ANAPC1: variants seen among roughly 807,000 people sequenced by gnomAD.
ANAPC1 encodes anaphase-promoting complex subunit 1.
In ANAPC1, 36 loss-of-function variants were observed where a neutral mutation model predicts 208.0. The ratio of observed to expected loss-of-function variants is 0.17; its 90% CI spans 0.13 to 0.23. ANAPC1 has a LOEUF of 0.23. Ranked by LOEUF, ANAPC1 falls within the 10% of genes least tolerant of loss-of-function variation. The probability of loss-of-function intolerance (pLI) is 1.00; values close to 1 mark genes in which losing one functional copy is unlikely to be tolerated. For synonymous variants in ANAPC1, 378 were observed against 695.2 expected (o/e 0.54, Z 7.18); for missense variants, 942 against 2,011.6 (o/e 0.47, Z 10.17).
Position 111,868,331 on chromosome 2 carries a change from T to C in ANAPC1, c.612-235A>G, listed in dbSNP as rs186021050. On this transcript the variant is annotated intron_variant, in intron 6 of 47. Coordinates refer to ENST00000341068, the MANE Select transcript of ANAPC1 (RefSeq NM_022662.4). ...ATGCACGAACAGAGGGAAATCAATA[T>C]AGCCAGGGAATTTCTGCAAACAGCA... Among the ~76,000 whole-genome samples, 213 of 152,332 alleles carry C rather than the reference T, an allele frequency of 1.4e-3. 1 individual carries two copies. The highest frequency in any genetic ancestry group is 1.8e-3 in the Non-Finnish European group (122 of 68,034).
At chr2:111,865,041 A>G (rs1014512148) in intron 7 of ANAPC1, 90 bp from the exon 8 acceptor site, 8 of 1,447,908 alleles carry the variant, frequency 5.5e-6, no homozygotes, top group Non-Finnish European at 7.3e-6. Context: ...TGTTAAAGAT[A>G]AAGAACAACC....
intron 3 of ANAPC1, among the ~76,000 whole-genome samples, chr2:111,874,432 A>G (rs1259612642): frequency 2.6e-5 from 4 of 151,866 alleles, no homozygotes; most frequent in African/African-American, 9.7e-5. Flanking sequence ...AATACTCCCC[A>G]TTTCCCAATG....
chr2:111,782,417 CAA>C lies in ANAPC1; in HGVS notation c.5152_5153del (p.Leu1718ValfsTer7). The C allele has an allele frequency of 6.2e-7, 1 of 1,613,224 alleles. No homozygotes were observed. The highest frequency in any genetic ancestry group is 8.5e-7 in the Non-Finnish European group (1 of 1,179,510). ...YKEDPMGWQS[L>X]LAQTVANRNS... Reference sequence around the variant, plus strand: ...TCCTGTTAGCAACAGTCTGAGCCAACAAACTTTGCCATCCCATTGGATCTTCT... The same window carrying C: ...TCCTGTTAGCAACAGTCTGAGCCAACACTTTGCCATCCCATTGGATCTTCT... On this transcript the variant is annotated frameshift_variant, in exon 43 of 48. Transcript: ENST00000341068. LOFTEE classifies it high-confidence loss of function.
At chr2:111,869,162 G>A (rs542707080) in intron 6 of ANAPC1, among the ~76,000 whole-genome samples, 2 of 152,266 alleles carry the variant, frequency 1.3e-5, no homozygotes, top group East Asian at 1.9e-4. Flanking sequence ...CCTGTAACGC[G>A]TAAGGAAACT....
At chr2:111,837,000 G>A (rs1384604831) in intron 18 of ANAPC1, among the ~76,000 whole-genome samples, 4 of 147,996 alleles carry the variant, frequency 2.7e-5, no homozygotes, top group African/African-American at 7.4e-5. Flanking sequence ...TATCCACAAA[G>A]ACTTGCCAGT....
At position 111,859,446 on chromosome 2, in the gene ANAPC1, G is replaced by A. The variant is rs538098792; in HGVS notation, c.1263-1045C>T. Among the ~76,000 whole-genome samples, 8 of 151,682 alleles carry A rather than the reference G, an allele frequency of 5.3e-5. 1 individual carries two copies. The highest frequency in any genetic ancestry group is 3.4e-3 in the Middle Eastern group (1 of 292). On this transcript the variant is annotated intron_variant, in intron 10 of 47. Coordinates refer to ENST00000341068, the MANE Select transcript of ANAPC1 (RefSeq NM_022662.4). ...AGATCACGCCATTGCACTCCAGCCC[G>A]GGCAACAAGAGCGAAACTCTATCTC...
chr2:111,833,228 A>G lies in ANAPC1; in HGVS notation c.2468T>C (p.Ile823Thr), dbSNP rs1680257763. The G allele has an allele frequency of 6.3e-7, 1 of 1,593,556 alleles. No individual in the cohort carries two copies. Among genetic ancestry groups the G allele is most frequent in the Admixed American group, 1.7e-5 (1 of 59,520 alleles). ...LVRTTGQVCT[I>T]DPGQTGFMHH... ...AAAGCACGACTACTTACCTGGATCA[A>G]TTGTGCACACTTGTCCAGTAGTTCT... is the stretch of plus-strand genomic sequence containing the variant. Residue 823 changes from isoleucine (I) to threonine (T), a missense_variant, in exon 20 of 48, where the codon ATT becomes ACT. Ile to Thr is a moderately conservative substitution (Grantham distance 89). Transcript: ENST00000341068.
intron 1 of ANAPC1, among the ~76,000 whole-genome samples, chr2:111,882,663 G>A (rs1188091087): frequency 6.6e-6 from 1 of 151,494 alleles, no homozygotes; most frequent in Non-Finnish European, 1.5e-5. Flanking sequence ...CTTCAACCTG[G>A]GAGGCAGAGG....
chr2:111,793,010 A>G (rs1359204884), intron 37 of ANAPC1, among the ~76,000 whole-genome samples: 4 of 152,264 alleles, frequency 2.6e-5, no homozygotes, highest in Non-Finnish European at 4.4e-5. Flanking sequence ...ATATAAGTTC[A>G]ACAGAGATAA....
intron 11 of ANAPC1, chr2:111,857,214 T>A: frequency 3.6e-6 from 1 of 279,328 alleles, no homozygotes. Flanking sequence ...GTCAAATTGA[T>A]GAAATTTGAA....
chr2:111,857,932 A>G (rs1479931098), intron 11 of ANAPC1, among the ~76,000 whole-genome samples: 1 of 151,160 alleles, frequency 6.6e-6, no homozygotes, highest in African/African-American at 2.4e-5. Flanking sequence ...GCTAAGTGAA[A>G]GCTAAACACA....
chr2:111,782,761 G>A (rs376894277), intron 42 of ANAPC1, among the ~76,000 whole-genome samples: 1 of 152,184 alleles, frequency 6.6e-6, no homozygotes, highest in Non-Finnish European at 1.5e-5. Flanking sequence ...TCAATTACGA[G>A]CTTCGAAGAT....
chr2:111,842,629 C>T (rs563021954), intron 17 of ANAPC1, among the ~76,000 whole-genome samples: 19 of 137,606 alleles, frequency 1.4e-4, no homozygotes, highest in East Asian at 6.3e-4. Flanking sequence ...GGCGACAGAG[C>T]GACATTCTGT....
chr2:111,853,773 G>C (rs4019117), intron 13 of ANAPC1, among the ~76,000 whole-genome samples: 88,097 of 151,490 alleles, frequency 0.58, 26,542 homozygotes, highest in South Asian at 0.69. Flanking sequence ...CTGGAGTGCA[G>C]TGGCGTAATC....
chr2:111,787,474 T>C (rs1163690432), intron 39 of ANAPC1, among the ~76,000 whole-genome samples: 1 of 151,838 alleles, frequency 6.6e-6, no homozygotes, highest in African/African-American at 2.4e-5. Context: ...TAGGTTACTG[T>C]GATAAGTGCT....
intron 2 of ANAPC1, among the ~76,000 whole-genome samples, chr2:111,880,296 CG>C (rs1177380838): frequency 6.6e-6 from 1 of 151,884 alleles, no homozygotes; most frequent in Non-Finnish European, 1.5e-5. Flanking sequence ...CACTTGAACC[CG>C]GGAGGCAGAG....
chr2:111,856,507 G>T (rs1681729988), intron 13 of ANAPC1, 107 bp downstream of exon 13: 2 of 1,133,530 alleles, frequency 1.8e-6, no homozygotes, highest in Non-Finnish European at 2.6e-6. Context: ...AAATTGTGCA[G>T]ACAGGAACAT....
chr2:111,775,241 G>T (rs1271147886), intron 46 of ANAPC1, among the ~76,000 whole-genome samples: 6 of 152,172 alleles, frequency 3.9e-5, no homozygotes, highest in Non-Finnish European at 8.8e-5. Context: ...ACTCCACCCT[G>T]GCGACAGAGC....
chr2:111,774,926 CG>C (rs1157263603), intron 46 of ANAPC1, among the ~76,000 whole-genome samples: 1 of 150,266 alleles, frequency 6.7e-6, no homozygotes, highest in East Asian at 2.0e-4. Context: ...ACTTGAAACC[CG>C]CTTTCTTTGC....
Sources: gnomAD v4.1 joint callset for allele counts (sites outside exome capture counted in the v4.1 genomes callset) on GRCh38, gnomAD v4.1.1 for gene constraint, MANE v1.5 for transcripts, NCBI Gene and HGNC (gene_info 2026-07-23, HGNC 2026-07-21) for gene names.